The following RELN variants were observed in gnomAD, a reference collection of about 807,000 sequenced individuals.
RELN encodes the protein reelin.
RELN carries 108 observed loss-of-function variants against 427.6 expected under a neutral mutation model. The observed-to-expected ratio is 0.25, with a 90% CI of 0.22 to 0.30. The LOEUF (loss-of-function observed/expected upper bound fraction) is 0.30, where lower values mean the gene tolerates loss of function less well. Among genes scored for constraint, RELN ranks in the 10% least tolerant of loss-of-function variants. RELN has a pLI of 1.00. For missense variants in RELN, 3,715 were observed against 4,302.8 expected (o/e 0.86, Z 3.82); for synonymous variants, 1,524 against 1,513.4 (o/e 1.01, Z -0.16).
At chr7:103,890,727 G>T (rs6948468) in intron 2 of RELN, among the ~76,000 whole-genome samples, 117,624 of 151,608 alleles carry the variant, frequency 0.78, 45,652 homozygotes, top group South Asian at 0.86. Flanking sequence ...GGCCATGGTA[G>T]GACCCCAGAG....
intron 19 of RELN, among the ~76,000 whole-genome samples, chr7:103,633,784 C>T (rs1832520810): frequency 6.6e-6 from 1 of 152,090 alleles, no homozygotes. Context: ...TTTAGGCCAA[C>T]TTAACTTAGG....
At chr7:103,956,527 A>C (rs1796437670) in intron 1 of RELN, among the ~76,000 whole-genome samples, 1 of 152,218 alleles carries the variant, frequency 6.6e-6, no homozygotes, top group Non-Finnish European at 1.5e-5. Flanking sequence ...TCTTATGAGA[A>C]AATCTCTCCT....
At chr7:103,746,917 T>C (rs1213060367) in intron 6 of RELN, among the ~76,000 whole-genome samples, 2 of 152,130 alleles carry the variant, frequency 1.3e-5, no homozygotes, top group East Asian at 3.8e-4. Context: ...TTACTGGGTA[T>C]ATACCCAAAG....
At chr7:103,929,076 C>A (rs939495924) in intron 1 of RELN, among the ~76,000 whole-genome samples, 1 of 152,132 alleles carries the variant, frequency 6.6e-6, no homozygotes, top group African/African-American at 2.4e-5. Context: ...CAGGGTGCAA[C>A]CTGCTCTTTT....
chr7:103,714,224 A>G (rs879938541), intron 8 of RELN, among the ~76,000 whole-genome samples: 7 of 152,204 alleles, frequency 4.6e-5, no homozygotes, highest in Admixed American at 2.0e-4. Flanking sequence ...AATTTGTTCC[A>G]TTAATGTTTA....
chr7:103,498,395 A>C (rs750738046), intron 53 of RELN, 143 bp from the exon 54 acceptor site: 1 of 738,684 alleles, frequency 1.4e-6, no homozygotes, highest in African/African-American at 1.8e-5. Context: ...AAAAAAGGCT[A>C]TTTCCACAAT....
In RELN at chr7:103,954,972, C is replaced by T. The variant is rs574110361; in HGVS notation, c.226+34159G>A. On this transcript the variant is annotated intron_variant, in intron 1 of 64. Coordinates refer to ENST00000428762, the MANE Select transcript of RELN (RefSeq NM_005045.4). ...CCTTTTTAGCTAAAGAGAAAGCCAA[C>T]GGCCATCCTTGGCTTTAAAACTGGT... Among the ~76,000 whole-genome samples, 330 of 152,300 alleles carry T rather than the reference C, an allele frequency of 2.2e-3. 3 individuals are homozygous for T. The highest frequency in any genetic ancestry group is 0.01 in the South Asian group (49 of 4,822).
intron 1 of RELN, among the ~76,000 whole-genome samples, chr7:103,987,768 A>G (rs1797133602): frequency 6.6e-6 from 1 of 152,206 alleles, no homozygotes; most frequent in Admixed American, 6.5e-5. Flanking sequence ...AAGCACTTTT[A>G]TCTAAAAAGG....
At chr7:103,792,110 C>T (rs1007539792) in intron 3 of RELN, among the ~76,000 whole-genome samples, 3 of 152,056 alleles carry the variant, frequency 2.0e-5, no homozygotes, top group Admixed American at 6.6e-5. Flanking sequence ...TCAAATATTG[C>T]TGGTGGGAAT....
In RELN at chr7:103,720,705, A is replaced by G. The variant is rs529153769; in HGVS notation, c.805+2435T>C. 1.3e-4 allele frequency among the ~76,000 whole-genome samples: 20 copies of G among 152,234 alleles called. No individual in the cohort carries two copies. The East Asian group carries it at 3.7e-3, about 28-fold the overall frequency. On this transcript the variant is annotated intron_variant, in intron 8 of 64. Coordinates refer to ENST00000428762, the MANE Select transcript of RELN (RefSeq NM_005045.4). ...GGCTGCTATTGGATTGGTTGGATTC[A>G]TTTTAATTTGCTATTTTGGTATCTG...
At chr7:103,897,265 C>T (rs1794981754) in intron 2 of RELN, among the ~76,000 whole-genome samples, 2 of 152,082 alleles carry the variant, frequency 1.3e-5, no homozygotes, top group African/African-American at 4.8e-5. Flanking sequence ...TGTCAACACA[C>T]AATATAAAAC....
At position 103,650,254 on chromosome 7, in the gene RELN, T is replaced by C. The variant is rs1428275329; in HGVS notation, c.2002+20A>G. The stretch of plus-strand genomic sequence containing the variant: ...ACTCTACATCAATGGCATGTGATTA[T>C]GACAGGCATAAACACTAACCATTAT... On this transcript the variant is annotated intron_variant, in intron 16 of 64. Coordinates refer to ENST00000428762, the MANE Select transcript of RELN (RefSeq NM_005045.4). 4 of 1,384,976 alleles carry C rather than the reference T, an allele frequency of 2.9e-6. No individual in the cohort carries two copies. In the Admixed American group the frequency reaches 6.7e-5, roughly 23 times the overall value. The allele number at this position is 1,384,976 out of a possible 1,614,324, so 85.8% of individuals were successfully genotyped here.
chr7:103,953,286 C>T lies in RELN; in HGVS notation c.226+35845G>A, dbSNP rs1796369026. Among the ~76,000 whole-genome samples the T allele has an allele frequency of 1.3e-5, 2 of 152,198 alleles. No homozygotes were observed. The highest frequency in any genetic ancestry group is 1.5e-5 in the Non-Finnish European group (1 of 68,028). Reference sequence around the variant, plus strand: ...AAAATACTGCCCTACTTGAAACTCACAATAACAAGTGGAAGGGTTATTGTT... The same window carrying T: ...AAAATACTGCCCTACTTGAAACTCATAATAACAAGTGGAAGGGTTATTGTT... On this transcript the variant is annotated intron_variant, in intron 1 of 64. Coordinates refer to ENST00000428762, the MANE Select transcript of RELN (RefSeq NM_005045.4). This position sits in a 1 kb window ranked among gnomAD's most constrained non-coding sequence, Gnocchi z 4.3.
intron 16 of RELN, among the ~76,000 whole-genome samples, chr7:103,648,272 A>G (rs12667604): frequency 0.74 from 112,767 of 151,686 alleles, 42,526 homozygotes; most frequent in African/African-American, 0.86. Context: ...GTTTAAAAGT[A>G]TATAGCACCT....
chr7:103,498,392 G>T (rs556152235), intron 53 of RELN, 140 bp from the exon 54 acceptor site: 2 of 756,100 alleles, frequency 2.6e-6, no homozygotes, highest in East Asian at 2.7e-5. Flanking sequence ...TTTAAAAAAG[G>T]CTATTTCCAC....
chr7:103,610,479 C>T (rs1047158001), intron 22 of RELN, among the ~76,000 whole-genome samples: 1 of 152,156 alleles, frequency 6.6e-6, no homozygotes, highest in African/African-American at 2.4e-5. Context: ...TTGGAAACCA[C>T]ATTTTCATAT....
At chr7:103,604,263 C>T in intron 23 of RELN, 83 bp downstream of exon 23, 2 of 1,518,110 alleles carry the variant, frequency 1.3e-6, no homozygotes, top group Non-Finnish European at 1.8e-6. Context: ...CTATCCATGT[C>T]ACTCTGATGA....
At chr7:103,897,864 T>C (rs1346003498) in intron 2 of RELN, among the ~76,000 whole-genome samples, 3 of 152,114 alleles carry the variant, frequency 2.0e-5, no homozygotes, top group African/African-American at 7.2e-5. Flanking sequence ...CTGGCAAATT[T>C]ATGACCTGGC....
At chr7:103,581,115 A>G (rs1831120919) in intron 28 of RELN, among the ~76,000 whole-genome samples, 1 of 152,152 alleles carries the variant, frequency 6.6e-6, no homozygotes, top group African/African-American at 2.4e-5. Context: ...AAGTCTGGAG[A>G]GTACAATCAA....
Sources: allele counts gnomAD v4.1 joint callset (sites outside exome capture counted in the v4.1 genomes callset), GRCh38; gene constraint gnomAD v4.1.1; non-coding constraint Gnocchi (gnomAD v3.1); transcripts MANE v1.5; gene names NCBI Gene and HGNC (gene_info 2026-07-23, HGNC 2026-07-21).